NCOR1: variants seen among roughly 807,000 people sequenced by gnomAD.
NCOR1 encodes the protein protein phosphatase 1, regulatory subunit 109.
Under a neutral mutation model 288.1 loss-of-function variants are expected in NCOR1, and 63 were observed. The observed-to-expected ratio is 0.22, with a 90% CI of 0.18 to 0.27. NCOR1 has a LOEUF of 0.27. Ranked by LOEUF, NCOR1 falls within the 10% of genes least tolerant of loss-of-function variation. The pLI is 1.00. For missense variants in NCOR1, 2,397 were observed against 3,019.2 expected (o/e 0.79, Z 4.83); for synonymous variants, 1,007 against 1,065.9 (o/e 0.94, Z 1.08).
rs368990842 is a variant in NCOR1, at chr17:16,061,385, G to C, written c.5881+16C>G. On this transcript the variant is annotated intron_variant, in intron 37 of 45. Transcript: ENST00000268712. ...ACTCAGACATCACATTGTGAAACTCGGATTGAGATACATACAGCTACTAGA... is the reference window on the plus strand; with the variant it reads ...ACTCAGACATCACATTGTGAAACTCCGATTGAGATACATACAGCTACTAGA... 6.2e-7 allele frequency: 1 copy of C among 1,604,524 alleles called. No homozygotes were observed. The highest frequency in any genetic ancestry group is 1.1e-5 in the South Asian group (1 of 90,320).
intron 2 of NCOR1, among the ~76,000 whole-genome samples, chr17:16,192,549 G>A (rs1354105592): frequency 3.9e-5 from 6 of 152,108 alleles, no homozygotes; most frequent in Admixed American, 6.5e-5. Context: ...CCAGCTACTC[G>A]GGAGGCTGAG....
At chr17:16,127,322 T>TATAC (rs2074461359) in intron 14 of NCOR1, among the ~76,000 whole-genome samples, 1 of 125,936 alleles carries the variant, frequency 7.9e-6, no homozygotes, top group Non-Finnish European at 1.6e-5. Context: ...TGTATGTATA[T>TATAC]ATGTATGTAT....
At position 16,127,357 on chromosome 17, in the gene NCOR1, GTATA is replaced by G. The variant is rs1254804328; in HGVS notation, c.1510-1155_1510-1152del. Among the ~76,000 whole-genome samples the G allele has an allele frequency of 1.1e-4, 15 of 139,412 alleles. 4 individuals are homozygous for G. The highest frequency in any genetic ancestry group is 1.0e-3 in the Admixed American group (14 of 13,872). The allele number at this position is 139,412 out of a possible 152,430, so 91.5% of individuals were successfully genotyped here. A position where few individuals can be genotyped will look rare whatever the true frequency, so the allele number is the denominator to read the frequency against. ...TATATACATGTATGTATATATGTAT[GTATA>G]TATACATGTATGTATATATGTATGT... On this transcript the variant is annotated intron_variant, in intron 14 of 45. Coordinates refer to ENST00000268712, the MANE Select transcript of NCOR1 (RefSeq NM_006311.4).
At position 16,030,069 on chromosome 17, in the gene NCOR1, G is replaced by C; in HGVS notation, c.*2227C>G. 1 of 175,990 alleles carries C rather than the reference G, an allele frequency of 5.7e-6. No individual in the cohort carries two copies. 10.9% of individuals were successfully genotyped at this position (175,990 alleles called of 1,614,324 possible). ...ACTACTCATGGCCTACTGCTGACCA[G>C]AAGTCTTACGGATAACATAGTCGAT... On this transcript the variant is annotated 3_prime_UTR_variant, in exon 46 of 46. Coordinates refer to ENST00000268712, the MANE Select transcript of NCOR1 (RefSeq NM_006311.4).
intron 14 of NCOR1, among the ~76,000 whole-genome samples, chr17:16,135,842 C>A (rs2076316981): frequency 6.6e-6 from 1 of 152,134 alleles, no homozygotes; most frequent in Admixed American, 6.5e-5. Context: ...TATCTGGTAA[C>A]CAGGGGCTAT....
intron 44 of NCOR1, among the ~76,000 whole-genome samples, chr17:16,035,166 T>G (rs1974005004): frequency 6.6e-6 from 1 of 152,188 alleles, no homozygotes; most frequent in Non-Finnish European, 1.5e-5. Context: ...GCCTCCATGT[T>G]GATGGCTGCT....
intron 3 of NCOR1, among the ~76,000 whole-genome samples, chr17:16,179,263 T>C (rs1225585806): frequency 6.6e-6 from 1 of 151,712 alleles, no homozygotes; most frequent in African/African-American, 2.4e-5. Context: ...TTCATATAAA[T>C]AAAATAAAAA....
intron 6 of NCOR1, among the ~76,000 whole-genome samples, chr17:16,156,529 G>A (rs1052150702): frequency 6.6e-6 from 1 of 151,288 alleles, no homozygotes; most frequent in Non-Finnish European, 1.5e-5. Flanking sequence ...AAAGAAAGGA[G>A]AGGGTGGAGA....
chr17:16,206,859 G>A (rs1568685968), intron 1 of NCOR1, among the ~76,000 whole-genome samples: 1 of 152,056 alleles, frequency 6.6e-6, no homozygotes, highest in Non-Finnish European at 1.5e-5. Context: ...GGAAGAATAT[G>A]CAACAAACTC....
chr17:16,084,017 T>C (rs1033945438), intron 23 of NCOR1: 1 of 151,492 alleles, frequency 6.6e-6, no homozygotes, highest in Non-Finnish European at 1.5e-5. Context: ...CTGCCTCTGC[T>C]GCTGCCAGGT....
chr17:16,095,944 T>C (rs1029577052), intron 21 of NCOR1, among the ~76,000 whole-genome samples: 4 of 151,988 alleles, frequency 2.6e-5, no homozygotes, highest in Non-Finnish European at 5.9e-5. Flanking sequence ...GTGTAGAAAG[T>C]AGTAGACATG....
chr17:16,158,796 G>A lies in NCOR1; in HGVS notation c.696C>T (p.His232=), dbSNP rs543608128. 18 of 1,614,098 alleles carry A rather than the reference G, an allele frequency of 1.1e-5. No homozygotes were observed. In the African/African-American group the frequency reaches 1.2e-4, roughly 11 times the overall value. Residue 232 remains histidine, a synonymous_variant, in exon 6 of 46, where the codon CAC becomes CAT. Transcript: ENST00000268712. The stretch of plus-strand genomic sequence containing the variant: ...CATAAATAATTTGGACAATACTGCG[G>A]TGTTTCTGCTCCACAGGAGGAGGGG... ...PVSPPPVEQK[H]RSIVQIIYDE... is the part of the protein sequence containing the mutation.
At chr17:16,065,118 T>G in intron 33 of NCOR1, 99 bp from the exon 34 acceptor site, 66 of 1,081,856 alleles carry the variant, frequency 6.1e-5, no homozygotes, top group Non-Finnish European at 8.0e-5. Flanking sequence ...TCAAGGGTAA[T>G]TTGTACATAA....
In NCOR1 at chr17:16,080,625, G is replaced by T; in HGVS notation, c.3280C>A (p.Gln1094Lys). ...CACTGACCTGATTTGGCAGATTCCTGTTGCCGTGGCAGTCCAAGAGAGATA... is the reference window on the plus strand; with the variant it reads ...CACTGACCTGATTTGGCAGATTCCTTTTGCCGTGGCAGTCCAAGAGAGATA... ...GSISLGLPRQ[Q>K]ESAKSATLPY... is the part of the protein sequence containing the mutation. Residue 1094 changes from glutamine to lysine, a missense_variant, in exon 24 of 46, where the codon CAG becomes AAG. Gln to Lys is a moderately conservative substitution (Grantham distance 53, BLOSUM62 1). Transcript: ENST00000268712. The T allele has an allele frequency of 6.2e-7, 1 of 1,614,038 alleles. No individual in the cohort carries two copies. Among genetic ancestry groups the T allele is most frequent in the South Asian group, 1.1e-5 (1 of 91,072 alleles).
At chr17:16,205,135 A>G (rs2053100096) in intron 1 of NCOR1, among the ~76,000 whole-genome samples, 1 of 151,698 alleles carries the variant, frequency 6.6e-6, no homozygotes, top group African/African-American at 2.4e-5. Context: ...CAGGAGAATC[A>G]CTTGAACCCA....
intron 3 of NCOR1, among the ~76,000 whole-genome samples, chr17:16,181,138 G>A (rs928446953): frequency 1.3e-5 from 2 of 151,774 alleles, no homozygotes; most frequent in African/African-American, 4.8e-5. Flanking sequence ...CAGCTTGGGT[G>A]ACAGAGTGAG....
At chr17:16,170,107 C>CTCTGTGTGTGTGTG (rs112560553) in intron 4 of NCOR1, among the ~76,000 whole-genome samples, 2 of 147,580 alleles carry the variant, frequency 1.4e-5, no homozygotes, top group Non-Finnish European at 3.0e-5. Flanking sequence ...TATTTGCTTT[C>CTCTGTGTGTGTGTG]TGTGTGTGTG....
chr17:16,177,695 C>T (rs910727060), intron 3 of NCOR1, among the ~76,000 whole-genome samples: 1 of 152,150 alleles, frequency 6.6e-6, no homozygotes, highest in African/African-American at 2.4e-5. Context: ...GACATGTAGA[C>T]CACTCCAGAG....
At chr17:16,118,268 TG>T (rs1194098614) in intron 17 of NCOR1, among the ~76,000 whole-genome samples, 4 of 152,226 alleles carry the variant, frequency 2.6e-5, no homozygotes, top group African/African-American at 9.6e-5. Flanking sequence ...GGCTAAACCT[TG>T]TCCTTCCTAT....
Sources: gnomAD v4.1 joint callset for allele counts (sites outside exome capture counted in the v4.1 genomes callset) on GRCh38, gnomAD v4.1.1 for gene constraint, MANE v1.5 for transcripts, NCBI Gene and HGNC (gene_info 2026-07-23, HGNC 2026-07-21) for gene names.